Variants in EFL1 observed in about 807,000 individuals in gnomAD.
EFL1 encodes elongation factor like GTPase 1.
In EFL1, 76 loss-of-function variants were observed where a neutral mutation model predicts 126.7. The ratio of observed to expected loss-of-function variants is 0.60; its 90% CI spans 0.50 to 0.73. The LOEUF (loss-of-function observed/expected upper bound fraction) is 0.73. Ranked by LOEUF, EFL1 falls within the 30% of genes least tolerant of loss-of-function variation. The pLI is 0.00. For synonymous variants in EFL1, 410 were observed against 448.4 expected (o/e 0.91, Z 1.08); for missense variants, 1,128 against 1,343.2 (o/e 0.84, Z 2.50).
chr15:82,247,306 C>T (rs191971791), intron 4 of EFL1, among the ~76,000 whole-genome samples: 43 of 152,138 alleles, frequency 2.8e-4, no homozygotes, highest in African/African-American at 8.7e-4. Context: ...GTAGGTGAAA[C>T]GCAGAATCAA....
intron 15 of EFL1, among the ~76,000 whole-genome samples, chr15:82,193,084 C>T (rs566232764): frequency 6.6e-6 from 1 of 152,168 alleles, no homozygotes; most frequent in African/African-American, 2.4e-5. Flanking sequence ...TAAAAATGTG[C>T]CAGCTAAATT....
At chr15:82,211,597 C>CACACACACACATACTAG (rs2074590810) in intron 15 of EFL1, among the ~76,000 whole-genome samples, 1 of 89,490 alleles carries the variant, frequency 1.1e-5, no homozygotes, top group African/African-American at 3.6e-5. Context: ...ACATACTAGA[C>CACACACACACATACTAG]ACACACACAC....
At chr15:82,133,856 C>A (rs991207362) in intron 19 of EFL1, among the ~76,000 whole-genome samples, 5 of 152,004 alleles carry the variant, frequency 3.3e-5, no homozygotes, top group Non-Finnish European at 7.4e-5. Flanking sequence ...CTGCAATGAG[C>A]GAGAAGAACC....
chr15:82,167,976 G>GC, intron 15 of EFL1, among the ~76,000 whole-genome samples: 1 of 152,174 alleles, frequency 6.6e-6, no homozygotes, highest in Non-Finnish European at 1.5e-5. Flanking sequence ...TGCAGTAAAT[G>GC]CAAGTCATAT....
chr15:82,241,860 G>A (rs1261328050), intron 4 of EFL1, among the ~76,000 whole-genome samples: 2 of 152,244 alleles, frequency 1.3e-5, no homozygotes, highest in African/African-American at 4.8e-5. Flanking sequence ...GTTTGTCAAA[G>A]AGCAGTGTAT....
chr15:82,165,981 T>G (rs1174687609), intron 15 of EFL1, among the ~76,000 whole-genome samples: 1 of 152,222 alleles, frequency 6.6e-6, no homozygotes, highest in Non-Finnish European at 1.5e-5. Context: ...TACCTGGCTA[T>G]AGCTTCTTGT....
chr15:82,253,036 T>C (rs143824433), intron 3 of EFL1, among the ~76,000 whole-genome samples: 1 of 151,452 alleles, frequency 6.6e-6, no homozygotes, highest in African/African-American at 2.4e-5. Context: ...TTTTAACCTA[T>C]ATAGAGCCTT....
intron 16 of EFL1, among the ~76,000 whole-genome samples, chr15:82,159,349 A>G (rs1443421412): frequency 3.3e-5 from 5 of 152,230 alleles, no homozygotes; most frequent in Non-Finnish European, 5.9e-5. Context: ...CAAACAAATT[A>G]TAAAGTAAAA....
At chr15:82,218,508 T>C (rs2074674749) in intron 14 of EFL1, among the ~76,000 whole-genome samples, 1 of 152,158 alleles carries the variant, frequency 6.6e-6, no homozygotes, top group Admixed American at 6.5e-5. Flanking sequence ...AATAAATCAA[T>C]GTTTCACTAA....
At chr15:82,187,690 T>C (rs1391085229) in intron 15 of EFL1, among the ~76,000 whole-genome samples, 2 of 152,174 alleles carry the variant, frequency 1.3e-5, no homozygotes, top group Non-Finnish European at 2.9e-5. Context: ...CTGGAAGGCA[T>C]GTCCAAGTCT....
chr15:82,185,212 TGTGC>T (rs1231839784), intron 15 of EFL1, among the ~76,000 whole-genome samples: 3 of 131,364 alleles, frequency 2.3e-5, no homozygotes, highest in Admixed American at 7.9e-5. Flanking sequence ...TGTGTGTGTG[TGTGC>T]GTTCCTCAAT....
chr15:82,207,143 G>A (rs2074532481), intron 15 of EFL1, among the ~76,000 whole-genome samples: 1 of 151,956 alleles, frequency 6.6e-6, no homozygotes, highest in African/African-American at 2.4e-5. Context: ...CCTGAAAGAT[G>A]TAGAAAAGAC....
intron 4 of EFL1, among the ~76,000 whole-genome samples, chr15:82,246,093 C>T (rs1033174780): frequency 6.6e-6 from 1 of 152,088 alleles, no homozygotes; most frequent in Non-Finnish European, 1.5e-5. Flanking sequence ...CACGTACAGA[C>T]CACTTCTGAT....
chr15:82,134,933 T>C (rs917650099), intron 19 of EFL1, among the ~76,000 whole-genome samples: 5 of 152,220 alleles, frequency 3.3e-5, no homozygotes, highest in African/African-American at 1.2e-4. Context: ...TTGTAAATTA[T>C]ATGGTGTGGT....
At chr15:82,226,011 A>C (rs1032800848) in intron 11 of EFL1, among the ~76,000 whole-genome samples, 4 of 152,350 alleles carry the variant, frequency 2.6e-5, no homozygotes, top group Admixed American at 2.6e-4. Flanking sequence ...ATGTATCAGA[A>C]GTCTTGCCAG....
At chr15:82,182,254 G>C (rs1429967589) in intron 15 of EFL1, among the ~76,000 whole-genome samples, 1 of 152,150 alleles carries the variant, frequency 6.6e-6, no homozygotes, top group African/African-American at 2.4e-5. Context: ...GCAAGATTCT[G>C]TCTCAAAGAA....
Position 82,214,662 on chromosome 15 carries a change from A to C in EFL1, c.1750+55T>G, listed in dbSNP as rs541441099. On this transcript the variant is annotated intron_variant, in intron 15 of 19. Transcript: ENST00000268206. ...AAAATTTCACTAAATTTTCAGTGAC[A>C]TGTTAGATAATCTCCTAGAATGGAG... The C allele has an allele frequency of 3.3e-5, 42 of 1,287,608 alleles. No homozygotes were observed. In the African/African-American group the frequency reaches 3.6e-4, roughly 11 times the overall value. The allele number at this position is 1,287,608 out of a possible 1,614,324, so 79.8% of individuals were successfully genotyped here. A position where few individuals can be genotyped will look rare whatever the true frequency, so the allele number is the denominator to read the frequency against.
intron 15 of EFL1, among the ~76,000 whole-genome samples, chr15:82,211,355 T>C (rs1485315586): frequency 6.6e-6 from 1 of 151,400 alleles, no homozygotes; most frequent in Non-Finnish European, 1.5e-5. Flanking sequence ...TGAAACCCCA[T>C]CTCTACTAAA....
At chr15:82,145,572 C>T (rs1459452810) in intron 18 of EFL1, among the ~76,000 whole-genome samples, 2 of 151,940 alleles carry the variant, frequency 1.3e-5, no homozygotes, top group Non-Finnish European at 2.9e-5. Flanking sequence ...TGGCTCATGC[C>T]TGTAATCCCA....
Sources: allele counts gnomAD v4.1 joint callset (sites outside exome capture counted in the v4.1 genomes callset), GRCh38; gene constraint gnomAD v4.1.1; transcripts MANE v1.5; gene names NCBI Gene and HGNC (gene_info 2026-07-23, HGNC 2026-07-21).